MEFV: variants seen among roughly 807,000 people sequenced by gnomAD.
MEFV encodes MEFV innate immunity regulator, pyrin, also known as pyrin.
Under a neutral mutation model 62.5 loss-of-function variants are expected in MEFV, and 60 were observed. The ratio of observed to expected loss-of-function variants is 0.96; its 90% CI spans 0.78 to 1.19. The LOEUF (loss-of-function observed/expected upper bound fraction) is 1.19, where lower values mean the gene tolerates loss of function less well. Among genes scored for constraint, MEFV ranks in the 50% most tolerant of loss-of-function variants. The pLI is 0.00. For missense variants in MEFV, 1,169 were observed against 1,004.5 expected (o/e 1.16, Z -2.21); for synonymous variants, 500 against 415.2 (o/e 1.20, Z -2.48).
chr16:3,247,579 A>G (rs1322060645), intron 4 of MEFV: 3 of 349,518 alleles, frequency 8.6e-6, no homozygotes, highest in Non-Finnish European at 1.6e-5. Context: ...TAATTAGTTA[A>G]GATGTGGTCC....
intron 4 of MEFV, among the ~76,000 whole-genome samples, chr16:3,248,132 G>C (rs1422955544): frequency 6.6e-6 from 1 of 151,316 alleles, no homozygotes; most frequent in African/African-American, 2.4e-5. Flanking sequence ...GGTGGCAGGC[G>C]CCTGTAATTC....
In MEFV at chr16:3,248,903, C is replaced by G; in HGVS notation, c.1356+6G>C. On this transcript the variant is annotated splice_donor_region_variant and intron_variant, in intron 4 of 9. Coordinates refer to ENST00000219596, the MANE Select transcript of MEFV (RefSeq NM_000243.3). Reference sequence around the variant, plus strand: ...CGGATGGGCCATCAGCCACCTCTGACCTTACCAGAAAGCTCACTGCCTTCT... The same window carrying G: ...CGGATGGGCCATCAGCCACCTCTGAGCTTACCAGAAAGCTCACTGCCTTCT... 6.2e-7 allele frequency: 1 copy of G among 1,614,112 alleles called. No homozygotes were observed. Among genetic ancestry groups the G allele is most frequent in the Non-Finnish European group, 8.5e-7 (1 of 1,179,950 alleles).
intron 6 of MEFV, among the ~76,000 whole-genome samples, chr16:3,245,743 G>A (rs1203133964): frequency 6.6e-6 from 1 of 152,136 alleles, no homozygotes; most frequent in African/African-American, 2.4e-5. Context: ...AAGCGATGCA[G>A]CCCCTGTGAG....
rs756753159 is a variant in MEFV, at chr16:3,256,410, A to T, written c.178T>A (p.Tyr60Asn). 7 of 1,614,180 alleles carry T rather than the reference A, an allele frequency of 4.3e-6. No individual in the cohort carries two copies. Among genetic ancestry groups the T allele is most frequent in the Non-Finnish European group, 5.9e-6 (7 of 1,180,028 alleles). ...TGCACGGCGTACTCTTCCCCATAGT[A>T]GGTGACCAGCAGAGTGGCCATCTTC... ...PVKMATLLVT[Y>N]YGEEYAVQLT... The change falls in exon 1 of 10, where the codon TAC becomes AAC. Residue 60 changes from tyrosine (Y) to asparagine (N), a missense_variant. By Grantham distance (143) the Tyr-to-Asn change is moderately radical. Transcript: ENST00000219596.
Position 3,249,572 on chromosome 16 carries a change from T to C in MEFV, c.1119A>G (p.Pro373=), listed in dbSNP as rs1256271984. 12 of 1,614,074 alleles carry C rather than the reference T, an allele frequency of 7.4e-6. No individual in the cohort carries two copies. Among genetic ancestry groups the C allele is most frequent in the African/African-American group, 5.3e-5 (4 of 74,934 alleles). ...SPGSLSPQPL[P]QCKRHLKQVQ... is the part of the protein sequence containing the mutation. ...CCTGCTTCAGGTGGCGCTTACACTG[T>C]GGCAGGGGCTGGGGGCTTAGGCTTC... The change falls in exon 3 of 10, where the codon CCA becomes CCG. Residue 373 remains proline (P), a synonymous_variant. Transcript: ENST00000219596.
chr16:3,243,364 C>A lies in MEFV; in HGVS notation c.2123G>T (p.Arg708Leu), dbSNP rs200375017. The change falls in exon 10 of 10, where the codon CGC (arginine) becomes CTC (leucine). Residue 708 changes from arginine to leucine, a missense_variant. Coordinates refer to ENST00000219596, the MANE Select transcript of MEFV (RefSeq NM_000243.3). ...EYQASSVPPT[R>L]LLIKEPPKRV... ...CTTGGGAGGCTCCTTTATTAGCAGG[C>A]GGGTCGGGGGAACGCTGGACGCCTG... 5.6e-6 allele frequency: 9 copies of A among 1,614,136 alleles called. No homozygotes were observed. Among genetic ancestry groups the A allele is most frequent in the Admixed American group, 1.7e-5 (1 of 60,026 alleles).
In MEFV at chr16:3,254,011, T is replaced by C. The variant is rs1405907839; in HGVS notation, c.910+147A>G. 8.0e-6 allele frequency: 7 copies of C among 880,186 alleles called. No individual in the cohort carries two copies. The Admixed American group carries it at 1.3e-4, about 16-fold the overall frequency. 54.5% of individuals were successfully genotyped at this position (880,186 alleles called of 1,614,324 possible). On this transcript the variant is annotated intron_variant, in intron 2 of 9. Transcript: ENST00000219596. ...TAGAGATGGCGGGGGTCTCACTACA[T>C]TCACCAGGCTGGTCTCAAAGTCTTG... is the stretch of plus-strand genomic sequence containing the variant.
chr16:3,247,568 GTAA>G lies in MEFV; in HGVS notation c.1357-325_1357-323del, dbSNP rs1958961908. The G allele has an allele frequency of 2.7e-5, 10 of 370,704 alleles. No homozygotes were observed. The South Asian group carries it at 2.8e-4, about 10-fold the overall frequency. 23.0% of individuals were successfully genotyped at this position (370,704 alleles called of 1,614,324 possible). ...TTTGGAGATAAGAGTTCTTGCAGATGTAATTAGTTAAGATGTGGTCCTACTGGG... is the reference window on the plus strand; with the variant it reads ...TTTGGAGATAAGAGTTCTTGCAGATGTTAGTTAAGATGTGGTCCTACTGGG... On this transcript the variant is annotated intron_variant, in intron 4 of 9. Transcript: ENST00000219596.
At position 3,247,055 on chromosome 16, in the gene MEFV, C is replaced by T. The variant is rs1403189726; in HGVS notation, c.1548G>A (p.Leu516=). Reference sequence around the variant, plus strand: ...ATTCTGACTGGCACTCCTTGGCCTCCAGTTCCCCAATCAGCGCATCGAGCA... The same window carrying T: ...ATTCTGACTGGCACTCCTTGGCCTCTAGTTCCCCAATCAGCGCATCGAGCA... ...IALLDALIGE[L]EAKECQSEWE... Residue 516 remains leucine (L), a synonymous_variant, in exon 5 of 10, where the codon CTG becomes CTA. Transcript: ENST00000219596. 1.2e-6 allele frequency: 2 copies of T among 1,614,082 alleles called. No homozygotes were observed. Among genetic ancestry groups the T allele is most frequent in the African/African-American group, 1.3e-5 (1 of 74,946 alleles).
At position 3,254,558 on chromosome 16, in the gene MEFV, G is replaced by T; in HGVS notation, c.510C>A (p.Asp170Glu). 1 of 1,563,588 alleles carries T rather than the reference G, an allele frequency of 6.4e-7. No homozygotes were observed. ...KRREKASEGL[D>E]AQGKPRTRSP... ...TCCGGGTCCGAGGCTTGCCCTGCGC[G>T]TCCAGGCCCTCCGAGGCCTTCTCTC... The change falls in exon 2 of 10, where the codon GAC becomes GAA. Residue 170 changes from aspartate (D) to glutamate (E), a missense_variant. Physicochemically the swap from Asp to Glu is conservative, Grantham distance 45. Transcript: ENST00000219596.
chr16:3,244,706 CAAAG>C, intron 6 of MEFV, 118 bp from the exon 7 acceptor site: 1 of 790,374 alleles, frequency 1.3e-6, no homozygotes, highest in South Asian at 1.4e-5. Flanking sequence ...CTGAGCTACA[CAAAG>C]AAAAGTCTTC....
At position 3,242,916 on chromosome 16, in the gene MEFV, T is replaced by C. The variant is rs762506511; in HGVS notation, c.*225A>G. On this transcript the variant is annotated 3_prime_UTR_variant, in exon 10 of 10. Transcript: ENST00000219596. ...TGCAACGACTCCGTACTTCCTCCTCTGAAATCCATGGTGTGTCATCAGTAC... is the reference window on the plus strand; with the variant it reads ...TGCAACGACTCCGTACTTCCTCCTCCGAAATCCATGGTGTGTCATCAGTAC... 5.1e-6 allele frequency: 3 copies of C among 583,060 alleles called. No individual in the cohort carries two copies. The highest frequency in any genetic ancestry group is 3.1e-6 in the Non-Finnish European group (1 of 325,084). 36.1% of individuals were successfully genotyped at this position (583,060 alleles called of 1,614,324 possible). A position where few individuals can be genotyped will look rare whatever the true frequency, so the allele number is the denominator to read the frequency against.
In MEFV at chr16:3,251,189, T is replaced by C. The variant is rs149461416; in HGVS notation, c.911-1409A>G. 2.9e-3 allele frequency among the ~76,000 whole-genome samples: 440 copies of C among 152,274 alleles called. 4 individuals are homozygous for C. The highest frequency in any genetic ancestry group is 0.01 in the African/African-American group (419 of 41,552). The stretch of plus-strand genomic sequence containing the variant: ...CCTCCTTCTCTCGTGATAGAATTAA[T>C]TGTCCACGTTTCCCTGTTTCCCTGC... On this transcript the variant is annotated intron_variant, in intron 2 of 9. Coordinates refer to ENST00000219596, the MANE Select transcript of MEFV (RefSeq NM_000243.3).
At chr16:3,246,963 G>A in intron 5 of MEFV, 53 bp downstream of exon 5, 3 of 1,533,220 alleles carry the variant, frequency 2.0e-6, no homozygotes, top group Non-Finnish European at 2.7e-6. Flanking sequence ...GGGAGCCTGA[G>A]GCATCCTGAT....
intron 6 of MEFV, among the ~76,000 whole-genome samples, chr16:3,244,857 T>C (rs1332419496): frequency 6.6e-6 from 1 of 152,194 alleles, no homozygotes; most frequent in Non-Finnish European, 1.5e-5. Context: ...TATTATCTAC[T>C]AGAATTATCT....
At position 3,247,075 on chromosome 16, in the gene MEFV, C is replaced by T. The variant is rs200557537; in HGVS notation, c.1528G>A (p.Asp510Asn). 115 of 1,614,076 alleles carry T rather than the reference C, an allele frequency of 7.1e-5. 1 individual carries two copies. In the South Asian group the frequency reaches 9.2e-4, roughly 13 times the overall value. Residue 510 changes from aspartate to asparagine, a missense_variant, in exon 5 of 10, where the codon GAT becomes AAT. Transcript: ENST00000219596. ...GCCTCCAGTTCCCCAATCAGCGCAT[C>T]GAGCAGGGCGATGTCCTGGGATACG... Reference protein sequence around the residue: ...TRVSQDIALLDALIGELEAKE... With the variant: ...TRVSQDIALLNALIGELEAKE...
chr16:3,256,170 G>T, intron 1 of MEFV, 141 bp downstream of exon 1: 1 of 1,011,900 alleles, frequency 9.9e-7, no homozygotes, highest in South Asian at 1.4e-5. Flanking sequence ...GGACGTTCCT[G>T]AACTAAAGTC....
chr16:3,244,155 T>G (rs763711859), intron 8 of MEFV, 99 bp downstream of exon 8: 11 of 238,572 alleles, frequency 4.6e-5, no homozygotes, highest in African/African-American at 3.0e-4. Flanking sequence ...AGGTGTTTGG[T>G]TTTTTTTTTT....
At chr16:3,252,949 CAAAAAA>C (rs5815167) in intron 2 of MEFV, among the ~76,000 whole-genome samples, 1 of 51,666 alleles carries the variant, frequency 1.9e-5, no homozygotes, top group Non-Finnish European at 3.4e-5. Flanking sequence ...GACTCTGTCT[CAAAAAA>C]AAAAAAAAAA....
Sources: gnomAD v4.1 joint callset for allele counts (sites outside exome capture counted in the v4.1 genomes callset) on GRCh38, gnomAD v4.1.1 for gene constraint, MANE v1.5 for transcripts, NCBI Gene and HGNC (gene_info 2026-07-23, HGNC 2026-07-21) for gene names.